Variants in MUC7 observed in about 807,000 individuals in gnomAD.
MUC7 encodes the protein mucin 7, secreted, also known as mucin-7.
A neutral mutation model predicts 2.5 loss-of-function variants in MUC7; 2 were observed. The observed-to-expected ratio is 0.81, with a 90% CI of 0.33 to 2.55. The LOEUF is 2.55. MUC7 is among the 30% of genes most tolerant of loss of function. The pLI is 0.11. For synonymous variants in MUC7, 133 were observed against 173.4 expected (o/e 0.77, Z 1.83); for missense variants, 408 against 455.6 (o/e 0.90, Z 0.95).
intron 1 of MUC7, among the ~76,000 whole-genome samples, chr4:70,442,612 G>C (rs896247034): frequency 4.6e-5 from 7 of 152,224 alleles, no homozygotes; most frequent in Admixed American, 3.9e-4. Context: ...AGTGAACTCA[G>C]GGATAGAGAA....
At chr4:70,430,955 T>C (rs551264668) in intron 1 of MUC7, among the ~76,000 whole-genome samples, 5 of 152,308 alleles carry the variant, frequency 3.3e-5, no homozygotes, top group East Asian at 3.9e-4. Context: ...GTCTTGATTT[T>C]CTCTTCTACT....
chr4:70,446,076 C>T (rs975885934), intron 1 of MUC7, among the ~76,000 whole-genome samples: 1 of 152,118 alleles, frequency 6.6e-6, no homozygotes. Context: ...GGAGGAAGGT[C>T]CCACTCAGGT....
upstream of MUC7, among the ~76,000 whole-genome samples, chr4:70,470,392 G>A (rs1201743722): frequency 1.3e-5 from 2 of 152,028 alleles, no homozygotes; most frequent in African/African-American, 2.4e-5. Flanking sequence ...TGTATCCCAA[G>A]AGAATATAAT....
intron 1 of MUC7, among the ~76,000 whole-genome samples, chr4:70,438,900 T>TTACCTTG: frequency 6.6e-6 from 1 of 152,352 alleles, no homozygotes; most frequent in South Asian, 2.1e-4. Flanking sequence ...AACAATTGAT[T>TTACCTTG]TATGCATTCA....
intron 1 of MUC7, among the ~76,000 whole-genome samples, chr4:70,458,821 C>G (rs1734474541): frequency 6.7e-6 from 1 of 149,936 alleles, no homozygotes. Context: ...ATAAGAAAAA[C>G]AGACAAAGTT....
At chr4:70,448,720 GT>G (rs1302652183) in intron 1 of MUC7, among the ~76,000 whole-genome samples, 2 of 152,136 alleles carry the variant, frequency 1.3e-5, no homozygotes, top group Non-Finnish European at 2.9e-5. Flanking sequence ...CATTCTGTGG[GT>G]TGTCTCATCA....
intron 1 of MUC7, among the ~76,000 whole-genome samples, chr4:70,432,253 G>T (rs1201925083): frequency 1.3e-5 from 2 of 152,192 alleles, no homozygotes; most frequent in East Asian, 1.9e-4. Context: ...AATCCTTTGG[G>T]TATATATCCA....
chr4:70,476,328 C>G (rs757179866), intron 2 of MUC7, among the ~76,000 whole-genome samples: 7 of 152,154 alleles, frequency 4.6e-5, no homozygotes, highest in Non-Finnish European at 1.0e-4. Flanking sequence ...CCAATCAACA[C>G]AAGTCATGTT....
At chr4:70,444,444 C>A (rs968190075) in intron 1 of MUC7, among the ~76,000 whole-genome samples, 3 of 152,202 alleles carry the variant, frequency 2.0e-5, no homozygotes, top group Non-Finnish European at 2.9e-5. Flanking sequence ...CTACTCCTTA[C>A]AACTATCACA....
intron 1 of MUC7, among the ~76,000 whole-genome samples, chr4:70,465,623 C>T (rs371980775): frequency 4.6e-5 from 7 of 151,958 alleles, no homozygotes; most frequent in East Asian, 1.9e-4. Context: ...ATAGCCAAAT[C>T]GATCAAGCAA....
chr4:70,444,064 C>T (rs1349958507), intron 1 of MUC7, among the ~76,000 whole-genome samples: 4 of 152,202 alleles, frequency 2.6e-5, no homozygotes, highest in Admixed American at 1.3e-4. Context: ...ACCACTGCTA[C>T]AAGATCGACT....
intron 1 of MUC7, among the ~76,000 whole-genome samples, chr4:70,436,388 T>C (rs1733833688): frequency 6.6e-6 from 1 of 152,240 alleles, no homozygotes; most frequent in African/African-American, 2.4e-5. Context: ...TCCTGGAGGC[T>C]TTGTTCATTT....
At chr4:70,478,164 A>C (rs1464866902) in intron 2 of MUC7, among the ~76,000 whole-genome samples, 7 of 152,248 alleles carry the variant, frequency 4.6e-5, no homozygotes, top group African/African-American at 1.7e-4. Context: ...ATTTGCCTTC[A>C]TATAAAAATG....
chr4:70,465,830 T>C (rs753902006), intron 1 of MUC7, among the ~76,000 whole-genome samples: 10 of 152,178 alleles, frequency 6.6e-5, no homozygotes, highest in Admixed American at 1.3e-4. Context: ...CTTTTCAAGA[T>C]ATTATCCAGG....
chr4:70,439,267 C>T (rs996878055), intron 1 of MUC7, among the ~76,000 whole-genome samples: 9 of 152,246 alleles, frequency 5.9e-5, no homozygotes, highest in African/African-American at 1.9e-4. Context: ...AGAAGCTTAG[C>T]AGGTCAGAAT....
chr4:70,434,421 T>C (rs554441114), intron 1 of MUC7, among the ~76,000 whole-genome samples: 1 of 152,356 alleles, frequency 6.6e-6, no homozygotes, highest in African/African-American at 2.4e-5. Context: ...TATTCAGAGA[T>C]TCAACTTCTT....
In MUC7 at chr4:70,442,329, C is replaced by T. The variant is rs868187480; in HGVS notation, c.-93+11642C>T. ...CAAAAAAAAGTGCATTTAGGATTCTCAGACTCATGAATTCTTTGTCAGAAG... is the reference window on the plus strand; with the variant it reads ...CAAAAAAAAGTGCATTTAGGATTCTTAGACTCATGAATTCTTTGTCAGAAG... On this transcript the variant is annotated intron_variant, in intron 1 of 3. Transcript: ENST00000413702. 8.5e-5 allele frequency among the ~76,000 whole-genome samples: 13 copies of T among 152,258 alleles called. No homozygotes were observed. The Middle Eastern group carries it at 0.01, about 120-fold the overall frequency.
At chr4:70,456,932 A>T (rs1734430234) in intron 1 of MUC7, among the ~76,000 whole-genome samples, 1 of 152,232 alleles carries the variant, frequency 6.6e-6, no homozygotes, top group Non-Finnish European at 1.5e-5. Context: ...TCTCCTCTAT[A>T]TTGAAAAATC....
At chr4:70,433,957 G>A (rs1456381470) in intron 1 of MUC7, among the ~76,000 whole-genome samples, 1 of 152,072 alleles carries the variant, frequency 6.6e-6, no homozygotes, top group East Asian at 1.9e-4. Flanking sequence ...TTTGTCGAAG[G>A]CCTTTTCTGC....
Sources: gnomAD v4.1 joint callset for allele counts (sites outside exome capture counted in the v4.1 genomes callset) on GRCh38, gnomAD v4.1.1 for gene constraint, MANE v1.5 for transcripts, NCBI Gene and HGNC (gene_info 2026-07-23, HGNC 2026-07-21) for gene names.